Variants in COL11A1 observed in about 807,000 individuals in gnomAD.
The protein encoded by COL11A1 is collagen alpha-1(XI) chain.
A neutral mutation model predicts 265.2 loss-of-function variants in COL11A1; 74 were observed. The ratio of observed to expected loss-of-function variants is 0.28; its 90% CI spans 0.23 to 0.34. COL11A1 has a LOEUF of 0.34. COL11A1 is among the 10% of genes least tolerant of loss of function. The probability of loss-of-function intolerance (pLI) is 1.00; values close to 1 mark genes in which losing one functional copy is unlikely to be tolerated. For missense variants in COL11A1, 2,165 were observed against 2,263.6 expected (o/e 0.96, Z 0.88); for synonymous variants, 816 against 727.6 (o/e 1.12, Z -1.96).
At chr1:103,065,227 A>G (rs894411403) in intron 4 of COL11A1, among the ~76,000 whole-genome samples, 7 of 152,186 alleles carry the variant, frequency 4.6e-5, no homozygotes, top group African/African-American at 1.7e-4. Flanking sequence ...TTTATTAACA[A>G]CAACAGCAAT....
At chr1:103,063,931 G>C (rs1670869466) in intron 4 of COL11A1, among the ~76,000 whole-genome samples, 1 of 152,090 alleles carries the variant, frequency 6.6e-6, no homozygotes, top group Admixed American at 6.6e-5. Context: ...ATATACAGAT[G>C]GAAAGTAAGC....
At chr1:102,893,366 A>T (rs1326658412) in intron 57 of COL11A1, among the ~76,000 whole-genome samples, 4 of 152,148 alleles carry the variant, frequency 2.6e-5, no homozygotes, top group Non-Finnish European at 5.9e-5. Context: ...AACATTATAA[A>T]CTACATCTAA....
chr1:102,924,686 C>G (rs1029502937), intron 46 of COL11A1, among the ~76,000 whole-genome samples: 2 of 151,988 alleles, frequency 1.3e-5, no homozygotes, highest in African/African-American at 4.8e-5. Flanking sequence ...CTAACAGTAG[C>G]TATGATACTG....
At chr1:103,071,794 A>G (rs907761635) in intron 4 of COL11A1, among the ~76,000 whole-genome samples, 1 of 145,894 alleles carries the variant, frequency 6.9e-6, no homozygotes, top group East Asian at 2.1e-4. Flanking sequence ...AAGAAGTAAT[A>G]ATAATGTTTG....
At chr1:103,071,586 T>C (rs1190406083) in intron 4 of COL11A1, among the ~76,000 whole-genome samples, 1 of 149,262 alleles carries the variant, frequency 6.7e-6, no homozygotes, top group Non-Finnish European at 1.5e-5. Flanking sequence ...GACAAATGTA[T>C]CTAATCTCTA....
intron 31 of COL11A1, among the ~76,000 whole-genome samples, chr1:102,983,720 GA>G (rs1178874499): frequency 6.6e-6 from 1 of 151,356 alleles, no homozygotes; most frequent in African/African-American, 2.4e-5. Flanking sequence ...AGCAACCCTG[GA>G]AAAAAAATAC....
intron 4 of COL11A1, among the ~76,000 whole-genome samples, chr1:103,065,542 A>AAAAAAAAAAAAAAAAAAAAAAAAAC (rs1671055183): frequency 8.2e-6 from 1 of 121,896 alleles, no homozygotes; most frequent in Non-Finnish European, 1.6e-5. Context: ...AAAAAAAAAA[A>AAAAAAAAAAAAAAAAAAAAAAAAAC]AAAAAGAAAG....
intron 30 of COL11A1, among the ~76,000 whole-genome samples, chr1:102,987,046 A>T (rs1663634393): frequency 6.6e-6 from 1 of 152,074 alleles, no homozygotes. Flanking sequence ...TGATTCTTTC[A>T]TCCTTTAATC....
chr1:103,057,183 T>C (rs538303067), intron 4 of COL11A1, among the ~76,000 whole-genome samples: 2 of 152,322 alleles, frequency 1.3e-5, no homozygotes, highest in Admixed American at 1.3e-4. Context: ...TAACTTTATA[T>C]AATATTCTAA....
At chr1:103,033,929 T>C (rs1220990888) in intron 4 of COL11A1, among the ~76,000 whole-genome samples, 2 of 152,112 alleles carry the variant, frequency 1.3e-5, no homozygotes, top group African/African-American at 2.4e-5. Context: ...CCACTGCACC[T>C]GGCTGTTTCC....
intron 63 of COL11A1, among the ~76,000 whole-genome samples, chr1:102,885,765 A>T (rs1198183489): frequency 6.6e-6 from 1 of 152,154 alleles, no homozygotes; most frequent in Non-Finnish European, 1.5e-5. Flanking sequence ...TTGCTTAAAT[A>T]ACACCAGTTA....
intron 46 of COL11A1, 39 bp downstream of exon 46, chr1:102,934,410 G>T: frequency 7.0e-7 from 1 of 1,430,338 alleles, no homozygotes; most frequent in Non-Finnish European, 9.9e-7. Context: ...TGAGAAGTAG[G>T]TAGAAATGAT....
intron 5 of COL11A1, among the ~76,000 whole-genome samples, chr1:103,027,399 ATATATATAT>A (rs1667612911): frequency 5.6e-5 from 1 of 17,998 alleles, no homozygotes; most frequent in African/African-American, 1.1e-4. Flanking sequence ...AAACTCTAAT[ATATATATAT>A]ATATATATAT....
At position 102,967,307 on chromosome 1, in the gene COL11A1, C is replaced by T. The variant is rs571696072; in HGVS notation, c.2863-1767G>A. ...CCAGGCTGGAGTGCAGTGGCGCGATCTCGGCTCACTGCAAGCTCCGCCTCC... is the reference window on the plus strand; with the variant it reads ...CCAGGCTGGAGTGCAGTGGCGCGATTTCGGCTCACTGCAAGCTCCGCCTCC... On this transcript the variant is annotated intron_variant, in intron 37 of 66. Transcript: ENST00000370096. Among the ~76,000 whole-genome samples, 3 of 120,594 alleles carry T rather than the reference C, an allele frequency of 2.5e-5. No individual in the cohort carries two copies. The South Asian group carries it at 8.6e-4, about 34-fold the overall frequency. 79.1% of individuals were successfully genotyped at this position (120,594 alleles called of 152,430 possible). A position where few individuals can be genotyped will look rare whatever the true frequency, so the allele number is the denominator to read the frequency against.
intron 1 of COL11A1, among the ~76,000 whole-genome samples, chr1:103,083,521 T>C (rs1204962969): frequency 1.3e-5 from 2 of 152,148 alleles, no homozygotes; most frequent in Non-Finnish European, 2.9e-5. Flanking sequence ...ATGTAAACTC[T>C]GTAAAATGTG....
At chr1:102,904,352 A>T (rs560484823) in intron 54 of COL11A1, among the ~76,000 whole-genome samples, 73 of 152,322 alleles carry the variant, frequency 4.8e-4, no homozygotes, top group African/African-American at 1.6e-3. Flanking sequence ...AGCAATGGCA[A>T]CAAAAGCCAA....
chr1:102,994,093 T>C (rs1664394282), intron 28 of COL11A1, among the ~76,000 whole-genome samples: 1 of 152,172 alleles, frequency 6.6e-6, no homozygotes, highest in Non-Finnish European at 1.5e-5. Flanking sequence ...TAAAGTATAA[T>C]GGATATAATA....
chr1:102,892,820 C>T (rs1340815987), intron 57 of COL11A1, among the ~76,000 whole-genome samples: 3 of 152,072 alleles, frequency 2.0e-5, no homozygotes, highest in African/African-American at 7.2e-5. Context: ...ATTCAATTAA[C>T]AACAGACAAA....
At chr1:103,032,657 T>A (rs1668072926) in intron 4 of COL11A1, among the ~76,000 whole-genome samples, 1 of 152,062 alleles carries the variant, frequency 6.6e-6, no homozygotes, top group African/African-American at 2.4e-5. Flanking sequence ...AGCAGGCAAT[T>A]TCTTAGTAAA....
Sources: gnomAD v4.1 joint callset for allele counts (sites outside exome capture counted in the v4.1 genomes callset) on GRCh38, gnomAD v4.1.1 for gene constraint, MANE v1.5 for transcripts, NCBI Gene and HGNC (gene_info 2026-07-23, HGNC 2026-07-21) for gene names.